The following MORN4 variants were observed in gnomAD, a reference collection of about 807,000 sequenced individuals.
MORN4 encodes the protein MORN repeat containing 4, also known as MORN repeat-containing protein 4.
In MORN4, 8 loss-of-function variants were observed where a neutral mutation model predicts 16.4. The observed-to-expected ratio is 0.49, with a 90% confidence interval of 0.29 to 0.88. The LOEUF is 0.88. Among genes scored for constraint, MORN4 ranks in the 40% least tolerant of loss-of-function variants. The pLI, the probability that MORN4 is intolerant of heterozygous loss-of-function variation, is 0.09. For synonymous variants in MORN4, 53 were observed against 68.9 expected (o/e 0.77, Z 1.14); for missense variants, 159 against 182.9 (o/e 0.87, Z 0.75).
intron 2 of MORN4, 130 bp downstream of exon 2, chr10:97,619,457 G>A: frequency 1.4e-6 from 1 of 738,240 alleles, no homozygotes; most frequent in Non-Finnish European, 2.5e-6. Flanking sequence ...TAAAGGAATG[G>A]CAGGCACTAT....
intron 1 of MORN4, among the ~76,000 whole-genome samples, chr10:97,624,081 G>A (rs765087933): frequency 3.3e-5 from 5 of 152,084 alleles, no homozygotes; most frequent in African/African-American, 4.8e-5. Context: ...CCAACAGCTA[G>A]CTTCCTTTTC....
intron 4 of MORN4, 44 bp downstream of exon 4, chr10:97,616,634 A>G (rs748760617): frequency 1.4e-5 from 21 of 1,493,906 alleles, no homozygotes; most frequent in Non-Finnish European, 2.0e-5. Context: ...TTCCACCCAT[A>G]TTATGCCCAC....
rs3814556 is a variant in MORN4, at chr10:97,616,395, A to G, written c.309T>C (p.Pro103=). The part of the protein sequence containing the change: ...RVDGFGLLTF[P]DGSHGIPRNE... ...TGCGGGGGATTCCATGAGAACCATCAGGGAAAGTCAGCAGGCCTTTGAGGA... is the reference window on the plus strand; with the variant it reads ...TGCGGGGGATTCCATGAGAACCATCGGGGAAAGTCAGCAGGCCTTTGAGGA... The change falls in exon 5 of 5, where the codon CCT becomes CCC. Residue 103 remains proline, a synonymous_variant. Transcript: ENST00000307450. 0.24 allele frequency: 385,929 copies of G among 1,603,616 alleles called. 51,313 individuals are homozygous for G. Among genetic ancestry groups the G allele is most frequent in the African/African-American group, 0.56 (41,373 of 74,356 alleles).
chr10:97,630,356 C>T (rs1370877204), intron 1 of MORN4, among the ~76,000 whole-genome samples: 2 of 152,112 alleles, frequency 1.3e-5, no homozygotes, highest in Non-Finnish European at 2.9e-5. Flanking sequence ...CATGAGCCAC[C>T]GCGCCTGGCC....
At chr10:97,616,434 A>C in intron 4 of MORN4, 23 bp from the exon 5 acceptor site, 1 of 1,577,908 alleles carries the variant, frequency 6.3e-7, no homozygotes, top group Non-Finnish European at 8.6e-7. Context: ...CAGAGAAAAT[A>C]TGGGAGTGAC....
chr10:97,633,532 C>T (rs267602659), upstream of MORN4: 1 of 1,289,896 alleles, frequency 7.8e-7, no homozygotes, highest in South Asian at 1.2e-5. This position sits in a 1 kb window ranked among gnomAD's most constrained non-coding sequence, Gnocchi z 4.5. Flanking sequence ...TTGGCTGTTA[C>T]CTAGGCAACC....
intron 1 of MORN4, among the ~76,000 whole-genome samples, chr10:97,623,358 T>C (rs1414959244): frequency 6.6e-6 from 1 of 152,106 alleles, no homozygotes; most frequent in African/African-American, 2.4e-5. Flanking sequence ...GCAGGGACAA[T>C]TGCTTGAGCC....
At chr10:97,632,213 T>C (rs796315007) in intron 1 of MORN4, among the ~76,000 whole-genome samples, 33 of 57,036 alleles carry the variant, frequency 5.8e-4, no homozygotes, top group African/African-American at 1.8e-3. Context: ...AATACTCCCC[T>C]TTTTTTTTTT....
intron 1 of MORN4, among the ~76,000 whole-genome samples, chr10:97,623,983 G>A (rs576181663): frequency 4.6e-5 from 7 of 152,016 alleles, no homozygotes; most frequent in East Asian, 1.9e-4. Flanking sequence ...TGATCCGCCC[G>A]CCTTGGCCTC....
At chr10:97,626,159 C>CT (rs2041344600) in intron 1 of MORN4, among the ~76,000 whole-genome samples, 1 of 151,384 alleles carries the variant, frequency 6.6e-6, no homozygotes, top group South Asian at 2.1e-4. Context: ...GATGGATCAC[C>CT]TGAGGTCAGG....
intron 1 of MORN4, among the ~76,000 whole-genome samples, chr10:97,630,167 T>A (rs1027280828): frequency 2.6e-5 from 4 of 152,150 alleles, no homozygotes; most frequent in Admixed American, 2.6e-4. Flanking sequence ...GACCTTGTGA[T>A]CCGCCTGCCT....
At chr10:97,622,693 C>CAAAAAAAAAAAA (rs1322656539) in intron 1 of MORN4, among the ~76,000 whole-genome samples, 1 of 55,872 alleles carries the variant, frequency 1.8e-5, no homozygotes, top group African/African-American at 6.0e-5. Flanking sequence ...GACCCTGTCT[C>CAAAAAAAAAAAA]AAAAAAAAAA....
chr10:97,616,293 G>C lies in MORN4; in HGVS notation c.411C>G (p.Ala137=), dbSNP rs143277875. The C allele has an allele frequency of 2.1e-4, 334 of 1,608,566 alleles. 1 individual carries two copies. Among genetic ancestry groups the C allele is most frequent in the Admixed American group, 1.5e-3 (90 of 58,750 alleles). Residue 137 remains alanine (A), a synonymous_variant, in exon 5 of 5, where the codon GCC becomes GCG. Coordinates refer to ENST00000307450, the MANE Select transcript of MORN4 (RefSeq NM_178832.4). ...CAGTGAGATTTCTGGCTGACTTGGAGGCGCTCTGGGCCCGCTGAACAATGG... is the reference window on the plus strand; with the variant it reads ...CAGTGAGATTTCTGGCTGACTTGGACGCGCTCTGGGCCCGCTGAACAATGG... ...CSAIVQRAQS[A]SKSARNLTA
At chr10:97,630,833 T>G (rs765385101) in intron 1 of MORN4, among the ~76,000 whole-genome samples, 1 of 152,084 alleles carries the variant, frequency 6.6e-6, no homozygotes, top group African/African-American at 2.4e-5. Flanking sequence ...GTATAGTCAG[T>G]GCCGATGAAG....
intron 2 of MORN4, among the ~76,000 whole-genome samples, chr10:97,618,115 T>C (rs2041253809): frequency 6.6e-6 from 1 of 151,656 alleles, no homozygotes; most frequent in Non-Finnish European, 1.5e-5. Context: ...GAGGTGGAGG[T>C]TGCAGTGGGC....
At chr10:97,627,149 T>C (rs1052514685) in intron 1 of MORN4, among the ~76,000 whole-genome samples, 3 of 150,756 alleles carry the variant, frequency 2.0e-5, no homozygotes, top group Non-Finnish European at 4.4e-5. Context: ...TTTTTTTTTT[T>C]GTTTTTTGTT....
In MORN4 at chr10:97,614,735, A is replaced by G. The variant is rs2041222247; in HGVS notation, c.*1528T>C. The G allele has an allele frequency of 6.6e-6, 1 of 152,564 alleles. No individual in the cohort carries two copies. The highest frequency in any genetic ancestry group is 2.4e-5 in the African/African-American group (1 of 41,446). 9.5% of individuals were successfully genotyped at this position (152,564 alleles called of 1,614,324 possible). ...TGGGTACCAGGGTAACGGGAGGCCT[A>G]CGTAATAAACTGCAGAGATCCCATC... On this transcript the variant is annotated 3_prime_UTR_variant, in exon 5 of 5. Transcript: ENST00000307450.
At chr10:97,627,584 G>T (rs776580410) in intron 1 of MORN4, among the ~76,000 whole-genome samples, 5 of 152,190 alleles carry the variant, frequency 3.3e-5, no homozygotes, top group Non-Finnish European at 5.9e-5. Flanking sequence ...CGAGTTATAA[G>T]AATCCCTGTG....
At chr10:97,621,398 A>C (rs915044874) in intron 1 of MORN4, among the ~76,000 whole-genome samples, 2 of 152,220 alleles carry the variant, frequency 1.3e-5, no homozygotes, top group Non-Finnish European at 2.9e-5. Context: ...CCAGGATGTA[A>C]TATGAAGGCA....
Sources: allele counts gnomAD v4.1 joint callset (sites outside exome capture counted in the v4.1 genomes callset), GRCh38; gene constraint gnomAD v4.1.1; non-coding constraint Gnocchi (gnomAD v3.1); transcripts MANE v1.5; gene names NCBI Gene and HGNC (gene_info 2026-07-23, HGNC 2026-07-21).